Variants in PTPN12 observed in about 807,000 individuals in gnomAD.
PTPN12 encodes the protein tyrosine-protein phosphatase non-receptor type 12.
In PTPN12, 29 loss-of-function variants were observed where a neutral mutation model predicts 97.6. The observed-to-expected ratio is 0.30, with a 90% CI of 0.22 to 0.41. The LOEUF is 0.41. PTPN12 is among the 10% of genes least tolerant of loss of function. PTPN12 has a pLI of 1.00. For missense variants in PTPN12, 819 were observed against 926.0 expected, an observed-to-expected ratio of 0.88 and a Z score of 1.50; for synonymous variants, 327 against 300.4, an observed-to-expected ratio of 1.09 and a Z score of -0.91.
chr7:77,543,263 T>C (rs1319048453), intron 1 of PTPN12, among the ~76,000 whole-genome samples: 1 of 82,936 alleles, frequency 1.2e-5, no homozygotes, highest in Non-Finnish European at 2.1e-5. Flanking sequence ...TTAGTGTCTT[T>C]CCATTTTTTT....
At chr7:77,618,388 G>A (rs1409188955) in intron 11 of PTPN12, 92 bp from the exon 12 acceptor site, 1 of 837,918 alleles carries the variant, frequency 1.2e-6, no homozygotes, top group Non-Finnish European at 1.8e-6. Context: ...CATTGTTTAA[G>A]GATTGAAAAG....
rs372324652 is a variant in PTPN12, at chr7:77,597,270, C to T, written c.493-572C>T. On this transcript the variant is annotated intron_variant, in intron 6 of 17. Coordinates refer to ENST00000248594, the MANE Select transcript of PTPN12 (RefSeq NM_002835.4). ...TCCTGAGTAGCTGGGATTACAGGTG[C>T]GCGCCACCACACACAGCTAAGTTTT... is the stretch of plus-strand genomic sequence containing the variant. 5.3e-5 allele frequency among the ~76,000 whole-genome samples: 8 copies of T among 152,018 alleles called. No individual in the cohort carries two copies. The South Asian group carries it at 8.3e-4, about 16-fold the overall frequency.
chr7:77,621,652 C>T (rs1471034797), intron 12 of PTPN12, among the ~76,000 whole-genome samples: 1 of 150,794 alleles, frequency 6.6e-6, no homozygotes, highest in Non-Finnish European at 1.5e-5. Context: ...CTGGGTGTGA[C>T]AGAGCGAGAC....
At chr7:77,620,818 C>T (rs1341477285) in intron 12 of PTPN12, among the ~76,000 whole-genome samples, 4 of 152,074 alleles carry the variant, frequency 2.6e-5, no homozygotes, top group African/African-American at 7.2e-5. Flanking sequence ...CGTGGTGGCA[C>T]GCGCCTGCAG....
At chr7:77,557,799 C>T (rs933660174) in intron 1 of PTPN12, among the ~76,000 whole-genome samples, 1 of 148,876 alleles carries the variant, frequency 6.7e-6, no homozygotes, top group Non-Finnish European at 1.5e-5. Context: ...GTGCTGAACA[C>T]AGGAAAAAAA....
intron 1 of PTPN12, among the ~76,000 whole-genome samples, chr7:77,539,165 G>A (rs1314208387): frequency 1.3e-5 from 2 of 152,084 alleles, no homozygotes; most frequent in East Asian, 1.9e-4. Flanking sequence ...AAGCTTTAGC[G>A]TTAAATTTTT....
Position 77,635,835 on chromosome 7 carries a change from C to A in PTPN12, c.2128C>A (p.Gln710Lys), listed in dbSNP as rs1562767685. The A allele has an allele frequency of 1.2e-6, 2 of 1,601,162 alleles. No homozygotes were observed. Among genetic ancestry groups the A allele is most frequent in the Non-Finnish European group, 1.7e-6 (2 of 1,173,964 alleles). The change falls in exon 15 of 18, where the codon CAA becomes AAA. Residue 710 changes from glutamine to lysine, a missense_variant. Physicochemically the swap from Gln to Lys is moderately conservative, Grantham distance 53. Around this residue, in one of 5 missense-constraint regions of PTPN12, gnomAD observed 607 missense variants for 577.3 expected, o/e 1.05. Transcript: ENST00000248594. ...ACTTCAAAGTCAGGAACGATCTGAA[C>A]AAAAAAAGTCTGAAGTAAGTCCTTT... ...SELQSQERSE[Q>K]KKSEGLITSE...
rs1351116275 is a variant in PTPN12, at chr7:77,613,243, C to T, written c.939+2197C>T. Among the ~76,000 whole-genome samples, 6 of 123,554 alleles carry T rather than the reference C, an allele frequency of 4.9e-5. No individual in the cohort carries two copies. The East Asian group carries it at 7.9e-4, about 16-fold the overall frequency. 81.1% of individuals were successfully genotyped at this position (123,554 alleles called of 152,430 possible). ...AGAATGGAGTGCAGTAGCACAGTCTCGGCTCACTGCAACCTCTGCCTCCCG... is the reference window on the plus strand; with the variant it reads ...AGAATGGAGTGCAGTAGCACAGTCTTGGCTCACTGCAACCTCTGCCTCCCG... On this transcript the variant is annotated intron_variant, in intron 11 of 17. Coordinates refer to ENST00000248594, the MANE Select transcript of PTPN12 (RefSeq NM_002835.4).
At chr7:77,558,860 A>T (rs1360303269) in intron 1 of PTPN12, among the ~76,000 whole-genome samples, 2 of 152,084 alleles carry the variant, frequency 1.3e-5, no homozygotes, top group Non-Finnish European at 2.9e-5. Flanking sequence ...CATTTTTAAA[A>T]ATTAGCCAGA....
chr7:77,609,696 C>T (rs369545408), intron 9 of PTPN12, among the ~76,000 whole-genome samples: 2 of 151,376 alleles, frequency 1.3e-5, no homozygotes, highest in East Asian at 2.0e-4. Context: ...CTGGCTAACA[C>T]GGTGAAACCC....
At chr7:77,537,730 T>C in intron 1 of PTPN12, 85 bp downstream of exon 1, 1 of 1,424,106 alleles carries the variant, frequency 7.0e-7, no homozygotes, top group South Asian at 1.3e-5. Context: ...CAGTGCTTTG[T>C]GTACCTCTGT....
rs201487706 is a variant in PTPN12, at chr7:77,562,885, A to G, written c.100-8193A>G. Among the ~76,000 whole-genome samples the G allele has an allele frequency of 2.6e-5, 4 of 151,196 alleles. No homozygotes were observed. In the East Asian group the frequency reaches 5.8e-4, roughly 22 times the overall value. On this transcript the variant is annotated intron_variant, in intron 1 of 17. Coordinates refer to ENST00000248594, the MANE Select transcript of PTPN12 (RefSeq NM_002835.4). Reference sequence around the variant, plus strand: ...CAGGATAGGGAAAGGGTAAACTTGCATTATAAGTTTGTATTTTCTCACGAA... The same window carrying G: ...CAGGATAGGGAAAGGGTAAACTTGCGTTATAAGTTTGTATTTTCTCACGAA...
chr7:77,604,848 C>G (rs1203957115), intron 8 of PTPN12: 1 of 423,658 alleles, frequency 2.4e-6, no homozygotes, highest in Non-Finnish European at 4.8e-6. Flanking sequence ...GGTATGTGAT[C>G]AGAATTTAAT....
At chr7:77,568,148 A>C (rs937555435) in intron 1 of PTPN12, among the ~76,000 whole-genome samples, 1 of 152,222 alleles carries the variant, frequency 6.6e-6, no homozygotes, top group African/African-American at 2.4e-5. Context: ...TTAAACTTTA[A>C]TTATAGAAAG....
At chr7:77,570,566 G>C (rs1808429645) in intron 1 of PTPN12, among the ~76,000 whole-genome samples, 1 of 152,230 alleles carries the variant, frequency 6.6e-6, no homozygotes, top group African/African-American at 2.4e-5. Flanking sequence ...GTAATGCAGT[G>C]AATAAGCAGA....
In PTPN12 at chr7:77,585,563, A is replaced by G; in HGVS notation, c.402A>G (p.Arg134=). The change falls in exon 5 of 18, where the codon CGA becomes CGG. Residue 134 remains arginine, a synonymous_variant. Transcript: ENST00000248594. ...TTTAGATCATTGTAATGGCCTGCCG[A>G]GAATTTGAGATGGGAAGGGTATGTA... is the stretch of plus-strand genomic sequence containing the variant. ...YNVVIIVMAC[R]EFEMGRKKCE... 6.2e-7 allele frequency: 1 copy of G among 1,606,888 alleles called. No homozygotes were observed. The highest frequency in any genetic ancestry group is 8.5e-7 in the Non-Finnish European group (1 of 1,173,862).
Position 77,627,289 on chromosome 7 carries a change from C to T in PTPN12, c.1610C>T (p.Ser537Leu). The T allele has an allele frequency of 6.2e-7, 1 of 1,614,128 alleles. No homozygotes were observed. The highest frequency in any genetic ancestry group is 8.5e-7 in the Non-Finnish European group (1 of 1,180,028). ...GATGAGAAAGGACATGTAACGTGGT[C>T]ATTTCATGGACCTGAAAATGCCATA... ...PLDEKGHVTW[S>L]FHGPENAIPI... The change falls in exon 13 of 18, where the codon TCA becomes TTA. Residue 537 changes from serine to leucine, a missense_variant. Physicochemically the swap from Ser to Leu is moderately radical, Grantham distance 145. Around this residue, in one of 5 missense-constraint regions of PTPN12, gnomAD observed 607 missense variants for 577.3 expected, o/e 1.05. Transcript: ENST00000248594.
rs1213350431 is a variant in PTPN12, at chr7:77,537,984, G to GT, written c.99+339_99+340insT. 126 of 993,494 alleles carry GT rather than the reference G, an allele frequency of 1.3e-4. 2 individuals carry two copies. In the South Asian group the frequency reaches 1.9e-3, roughly 15 times the overall value. The allele number at this position is 993,494 out of a possible 1,614,324, so 61.5% of individuals were successfully genotyped here. A position where few individuals can be genotyped will look rare whatever the true frequency, so the allele number is the denominator to read the frequency against. On this transcript the variant is annotated intron_variant, in intron 1 of 17. Coordinates refer to ENST00000248594, the MANE Select transcript of PTPN12 (RefSeq NM_002835.4). ...AGGCAAGTGAGGTGCAGGCCGGGGG[G>GT]GGGGGCTCGCGTTTCCACACCTCCC... is the stretch of plus-strand genomic sequence containing the variant.
At position 77,632,487 on chromosome 7, in the gene PTPN12, A is replaced by G. The variant is rs1040507301; in HGVS notation, c.2074+62A>G. On this transcript the variant is annotated intron_variant, in intron 14 of 17. Transcript: ENST00000248594. Reference sequence around the variant, plus strand: ...TCTAATAATAAACTCCGAAAAACATACCTGATTTTAATCTATTAGCTATTG... The same window carrying G: ...TCTAATAATAAACTCCGAAAAACATGCCTGATTTTAATCTATTAGCTATTG... 11 of 1,267,444 alleles carry G rather than the reference A, an allele frequency of 8.7e-6. No homozygotes were observed. In the Admixed American group the frequency reaches 1.7e-4, roughly 20 times the overall value. The allele number at this position is 1,267,444 out of a possible 1,614,324, so 78.5% of individuals were successfully genotyped here.
Sources: gnomAD v4.1 joint callset for allele counts (sites outside exome capture counted in the v4.1 genomes callset) on GRCh38, gnomAD v4.1.1 for gene constraint, gnomAD v4.1.1 regional missense constraint, MANE v1.5 for transcripts, NCBI Gene and HGNC (gene_info 2026-07-23, HGNC 2026-07-21) for gene names.